Variants in CAPS2 observed in about 807,000 individuals in gnomAD.
The protein encoded by CAPS2 is calcyphosine 2, also known as calcyphosin-2.
In CAPS2, 98 loss-of-function variants were observed where a neutral mutation model predicts 86.5. The observed-to-expected ratio is 1.13, with a 90% confidence interval of 0.96 to 1.34. CAPS2 has a LOEUF of 1.34. Among genes scored for constraint, CAPS2 ranks in the 40% most tolerant of loss-of-function variants. The pLI is 0.00. For synonymous variants in CAPS2, 210 were observed against 225.1 expected, an observed-to-expected ratio of 0.93 and a Z score of 0.60; for missense variants, 729 against 686.8, an observed-to-expected ratio of 1.06 and a Z score of -0.69.
chr12:75,379,527 G>GT (rs1186437699), intron 1 of CAPS2, among the ~76,000 whole-genome samples: 2 of 152,148 alleles, frequency 1.3e-5, no homozygotes, highest in Admixed American at 1.3e-4. Context: ...GTGACTTTAA[G>GT]TAACCCTCCT....
intron 11 of CAPS2, among the ~76,000 whole-genome samples, chr12:75,293,652 T>C (rs1319749505): frequency 6.6e-6 from 1 of 152,028 alleles, no homozygotes; most frequent in East Asian, 1.9e-4. Flanking sequence ...AAAGAACAAA[T>C]AATTTAATTT....
At chr12:75,327,095 C>T (rs1299343722), upstream of CAPS2, among the ~76,000 whole-genome samples, 2 of 152,174 alleles carry the variant, frequency 1.3e-5, no homozygotes, top group African/African-American at 4.8e-5. Flanking sequence ...TGTTGTACTT[C>T]TGACCTCCAG....
At chr12:75,305,891 T>C (rs2138673662) in intron 7 of CAPS2, 1 of 819,470 alleles carries the variant, frequency 1.2e-6, no homozygotes, top group Non-Finnish European at 2.1e-6. Context: ...AGGCTGCACC[T>C]GAGGCTGTCC....
intron 1 of CAPS2, among the ~76,000 whole-genome samples, chr12:75,379,745 T>C (rs1392035708): frequency 6.6e-6 from 1 of 151,934 alleles, no homozygotes; most frequent in East Asian, 1.9e-4. Flanking sequence ...GAAATCAGAT[T>C]TGCCAATAAT....
chr12:75,365,054 ATTAT>A (rs1223560827), intron 1 of CAPS2: 2 of 152,128 alleles, frequency 1.3e-5, no homozygotes, highest in African/African-American at 4.8e-5. Flanking sequence ...ATCTGAACTA[ATTAT>A]ATCCCTCAAA....
chr12:75,298,657 T>G, intron 11 of CAPS2, 30 bp downstream of exon 11: 1 of 1,541,954 alleles, frequency 6.5e-7, no homozygotes, highest in Non-Finnish European at 9.0e-7. Flanking sequence ...CATCTGGTAT[T>G]AAATGTGTGC....
downstream of CAPS2, chr12:75,276,169 A>G (rs2032897756): frequency 1.3e-6 from 2 of 1,515,452 alleles, no homozygotes; most frequent in Admixed American, 2.2e-5. Context: ...TATTTTATAT[A>G]TGCCCATTAC....
chr12:75,312,691 A>T (rs1308241210), intron 7 of CAPS2, among the ~76,000 whole-genome samples, 157 bp downstream of exon 7: 4 of 152,240 alleles, frequency 2.6e-5, no homozygotes, highest in African/African-American at 9.6e-5. Flanking sequence ...CTGTGAAAAA[A>T]AATGACTAAA....
chr12:75,350,238 T>A (rs999362842), intron 1 of CAPS2, among the ~76,000 whole-genome samples: 5 of 152,218 alleles, frequency 3.3e-5, no homozygotes, highest in Admixed American at 2.0e-4. Context: ...GATCTCTGAT[T>A]TCCCTGAGAG....
intron 1 of CAPS2, among the ~76,000 whole-genome samples, chr12:75,335,531 C>T (rs928276891): frequency 3.9e-5 from 6 of 152,050 alleles, no homozygotes; most frequent in South Asian, 4.1e-4. Context: ...TGAGCATAAA[C>T]GTTGATAGTA....
chr12:75,306,196 G>A, intron 7 of CAPS2: 4 of 752,416 alleles, frequency 5.3e-6, no homozygotes. Context: ...CCCCTACGTG[G>A]AGCAGCTGGT....
chr12:75,357,880 C>A (rs2043255583), intron 1 of CAPS2, among the ~76,000 whole-genome samples: 1 of 150,188 alleles, frequency 6.7e-6, no homozygotes. Flanking sequence ...GCACCAAAGG[C>A]CCACAATAGA....
At chr12:75,387,729 T>A (rs1028364895) in intron 1 of CAPS2, among the ~76,000 whole-genome samples, 14 of 152,302 alleles carry the variant, frequency 9.2e-5, no homozygotes, top group Non-Finnish European at 1.5e-4. Flanking sequence ...GGGGCTAAAC[T>A]AATCCATTAA....
intron 13 of CAPS2, among the ~76,000 whole-genome samples, chr12:75,291,502 T>TG (rs2035868150): frequency 1.8e-5 from 2 of 110,532 alleles, no homozygotes; most frequent in Non-Finnish European, 3.7e-5. Flanking sequence ...TATATATATA[T>TG]ATATATATAT....
intron 14 of CAPS2, among the ~76,000 whole-genome samples, chr12:75,287,139 C>G (rs1449482839): frequency 6.6e-6 from 1 of 150,932 alleles, no homozygotes; most frequent in Non-Finnish European, 1.5e-5. Context: ...ATCCATAGGA[C>G]CAGTTCATAA....
upstream of CAPS2, among the ~76,000 whole-genome samples, chr12:75,331,776 G>A (rs1341688521): frequency 6.6e-6 from 1 of 151,900 alleles, no homozygotes; most frequent in Non-Finnish European, 1.5e-5. Context: ...TTTTAGCCGG[G>A]ATGGTCTCGA....
In CAPS2 at chr12:75,284,234, T is replaced by A. The variant is rs74110645; in HGVS notation, c.1515+727A>T. Among the ~76,000 whole-genome samples the A allele has an allele frequency of 8.4e-3, 1,273 of 152,324 alleles. 20 individuals are homozygous for A. Among genetic ancestry groups the A allele is most frequent in the African/African-American group, 0.029 (1,198 of 41,574 alleles). ...TCTAATTTAAGGTTTTTACTATGTC[T>A]CTTGCCCAGTAAAAGTAGAGACTAA... On this transcript the variant is annotated intron_variant, in intron 15 of 16. Coordinates refer to ENST00000393284, the Ensembl canonical transcript of CAPS2.
intron 1 of CAPS2, among the ~76,000 whole-genome samples, chr12:75,359,046 A>G (rs1351823722): frequency 6.7e-6 from 1 of 150,358 alleles, no homozygotes; most frequent in African/African-American, 2.4e-5. Flanking sequence ...GCTGATTGCT[A>G]CTGTATAGAA....
chr12:75,305,491 G>T, intron 7 of CAPS2: 1 of 588,424 alleles, frequency 1.7e-6, no homozygotes, highest in Non-Finnish European at 3.2e-6. Flanking sequence ...CTTTGCAGCC[G>T]AGGCCTCCAG....
Sources: allele counts gnomAD v4.1 joint callset (sites outside exome capture counted in the v4.1 genomes callset), GRCh38; gene constraint gnomAD v4.1.1; transcripts MANE v1.5; gene names NCBI Gene and HGNC (gene_info 2026-07-23, HGNC 2026-07-21).